Variants in PABPN1 observed in about 807,000 individuals in gnomAD.
The protein encoded by PABPN1 is poly(A) binding protein nuclear 1, also known as polyadenylate-binding protein 2.
Under a neutral mutation model 33.4 loss-of-function variants are expected in PABPN1, and 5 were observed. The ratio of observed to expected loss-of-function variants is 0.15; its 90% CI spans 0.08 to 0.32. PABPN1 has a LOEUF of 0.32. PABPN1 is among the 10% of genes least tolerant of loss of function. The pLI is 1.00. For synonymous variants in PABPN1, 176 were observed against 170.6 expected (o/e 1.03, Z -0.25); for missense variants, 312 against 425.8 (o/e 0.73, Z 2.35).
chr14:23,325,487 C>T lies in PABPN1; in HGVS notation c.*201C>T, dbSNP rs1321454582. On this transcript the variant is annotated 3_prime_UTR_variant, in exon 7 of 7. Coordinates refer to ENST00000216727, the MANE Select transcript of PABPN1 (RefSeq NM_004643.4). ...ACCTGCTTTGGGGAGTAGGGGAAGGCCCAGGGAGTGGGGCAGGGGGCTGCT... is the reference window on the plus strand; with the variant it reads ...ACCTGCTTTGGGGAGTAGGGGAAGGTCCAGGGAGTGGGGCAGGGGGCTGCT... 24 of 676,226 alleles carry T rather than the reference C, an allele frequency of 3.5e-5. No homozygotes were observed. The highest frequency in any genetic ancestry group is 4.1e-4 in the Middle Eastern group (1 of 2,448). The allele number at this position is 676,226 out of a possible 1,614,324, so 41.9% of individuals were successfully genotyped here.
chr14:23,323,512 TTTAAA>T lies in PABPN1; in HGVS notation c.641+33_641+37del, dbSNP rs769580252. 32 of 1,581,050 alleles carry T rather than the reference TTTAAA, an allele frequency of 2.0e-5. 1 individual carries two copies. The South Asian group carries it at 3.3e-4, about 16-fold the overall frequency. Reference sequence around the variant, plus strand: ...AGTAAAGGGGAGTAAGTTGAGATAATTTAAATTACAGTGTACAAATAGATAAATTA... The same window carrying T: ...AGTAAAGGGGAGTAAGTTGAGATAATTTACAGTGTACAAATAGATAAATTA... On this transcript the variant is annotated intron_variant, in intron 4 of 6. Coordinates refer to ENST00000216727, the MANE Select transcript of PABPN1 (RefSeq NM_004643.4).
rs1888557379 is a variant in PABPN1, at chr14:23,324,235, C to G, written c.827C>G (p.Ser276Cys). 1.9e-6 allele frequency: 3 copies of G among 1,614,120 alleles called. No individual in the cohort carries two copies. Among genetic ancestry groups the G allele is most frequent in the Non-Finnish European group, 2.5e-6 (3 of 1,180,040 alleles). ...GCCCGGACCACCAACTACAACAGCT[C>G]CCGCTCTCGATTCTACAGTGGTTTT... ...YRARTTNYNS[S>C]RSRFYSGFNS... The change falls in exon 6 of 7, where the codon TCC becomes TGC. Residue 276 changes from serine (S) to cysteine (C), a missense_variant. This residue lies in a region of PABPN1 where 68 missense variants were observed against 71.1 expected (regional missense o/e 0.96). Coordinates refer to ENST00000216727, the MANE Select transcript of PABPN1 (RefSeq NM_004643.4).
intron 3 of PABPN1, 139 bp downstream of exon 3, chr14:23,323,205 G>A (rs1888457878): frequency 1.5e-6 from 2 of 1,325,510 alleles, no homozygotes; most frequent in Non-Finnish European, 2.1e-6. Context: ...AAAGGTAATG[G>A]AATGATCAGT....
At chr14:23,322,062 CGCATGGGGCGAGGGAAATGGCCGA>C (rs1222162729) in intron 1 of PABPN1, 95 bp from the exon 2 acceptor site, 6 of 1,098,452 alleles carry the variant, frequency 5.5e-6, no homozygotes, top group African/African-American at 1.6e-5. Flanking sequence ...TCACGACCCT[CGCATGGGGCGAGGGAAATGGCCGA>C]GCATGGCTGA....
intron 2 of PABPN1, chr14:23,322,578 C>T: frequency 2.0e-6 from 1 of 495,926 alleles, no homozygotes; most frequent in East Asian, 3.8e-5. Flanking sequence ...TGCGTGCTCG[C>T]ATTTGACCTT....
intron 4 of PABPN1, 111 bp from the exon 5 acceptor site, chr14:23,323,854 C>A: frequency 9.1e-7 from 1 of 1,103,990 alleles, no homozygotes; most frequent in Non-Finnish European, 1.3e-6. Context: ...AGAATTTTGA[C>A]AAATAAAAAA....
Position 23,321,668 on chromosome 14 carries a change from G to C in PABPN1, c.199G>C (p.Glu67Gln), listed in dbSNP as rs1394623996. 6.6e-7 allele frequency: 1 copy of C among 1,519,744 alleles called. No homozygotes were observed. Among genetic ancestry groups the C allele is most frequent in the Non-Finnish European group, 8.9e-7 (1 of 1,122,622 alleles). 94.1% of individuals were successfully genotyped at this position (1,519,744 alleles called of 1,614,324 possible). The change falls in exon 1 of 7, where the codon GAG (glutamate) becomes CAG (glutamine). Residue 67 changes from glutamate to glutamine, a missense_variant. Physicochemically the swap from Glu to Gln is conservative, Grantham distance 29 (BLOSUM62 2). Coordinates refer to ENST00000216727, the MANE Select transcript of PABPN1 (RefSeq NM_004643.4). The part of the protein sequence containing the change: ...PEELLLEPEP[E>Q]PEPEEEPPRP... Reference sequence around the variant, plus strand: ...GGAGCTGCTGCTGGAGCCCGAGCCGGAGCCCGAGCCCGAAGAGGAGCCGCC... The same window carrying C: ...GGAGCTGCTGCTGGAGCCCGAGCCGCAGCCCGAGCCCGAAGAGGAGCCGCC...
At chr14:23,323,554 G>C in intron 4 of PABPN1, 71 bp downstream of exon 4, 1 of 1,403,460 alleles carries the variant, frequency 7.1e-7, no homozygotes, top group South Asian at 1.2e-5. Context: ...GTTTTATATT[G>C]AGCAGTAAGT....
At chr14:23,322,117 C>T in intron 1 of PABPN1, 64 bp from the exon 2 acceptor site, 2 of 1,510,576 alleles carry the variant, frequency 1.3e-6, no homozygotes, top group South Asian at 2.4e-5. Context: ...TGGCCGAGAG[C>T]AGGGCACAGC....
chr14:23,322,163 C>A lies in PABPN1; in HGVS notation c.352-18C>A, dbSNP rs983276880. 2 of 1,592,436 alleles carry A rather than the reference C, an allele frequency of 1.3e-6. No individual in the cohort carries two copies. Among genetic ancestry groups the A allele is most frequent in the African/African-American group, 1.3e-5 (1 of 74,484 alleles). Reference sequence around the variant, plus strand: ...GTTCCTCTTAAGCTGTCCTCCATACCCTCCCCACTTATATTAGGAGCTGGA... The same window carrying A: ...GTTCCTCTTAAGCTGTCCTCCATACACTCCCCACTTATATTAGGAGCTGGA... On this transcript the variant is annotated intron_variant, in intron 1 of 6. Transcript: ENST00000216727.
At chr14:23,322,069 G>C (rs1330160011) in intron 1 of PABPN1, 112 bp from the exon 2 acceptor site, 2 of 1,143,818 alleles carry the variant, frequency 1.7e-6, no homozygotes, top group Admixed American at 2.0e-5. Flanking sequence ...CCTCGCATGG[G>C]GCGAGGGAAA....
chr14:23,323,314 G>C (rs1888469770), intron 3 of PABPN1, 63 bp from the exon 4 acceptor site: 1 of 1,544,086 alleles, frequency 6.5e-7, no homozygotes, highest in Admixed American at 1.7e-5. Flanking sequence ...CCAAAGGCTC[G>C]GGAGGGTTCC....
chr14:23,322,928 G>A (rs1164179647), intron 2 of PABPN1, 71 bp from the exon 3 acceptor site: 5 of 1,602,192 alleles, frequency 3.1e-6, no homozygotes, highest in African/African-American at 1.3e-5. Context: ...TGCTGGTGGT[G>A]GAAGTGCAAC....
rs753693406 is a variant in PABPN1, at chr14:23,324,095, C to T, written c.729+43C>T. The T allele has an allele frequency of 5.6e-6, 9 of 1,614,138 alleles. No individual in the cohort carries two copies. The Admixed American group carries it at 1.2e-4, about 21-fold the overall frequency. ...GCTGTTCTAGTTGTGTATAAACTCT[C>T]CAGGTTGCCTTTAAGGCTATCATTT... is the stretch of plus-strand genomic sequence containing the variant. On this transcript the variant is annotated intron_variant, in intron 5 of 6. Transcript: ENST00000216727.
intron 4 of PABPN1, 79 bp downstream of exon 4, chr14:23,323,562 A>T (rs1888495095): frequency 7.4e-7 from 1 of 1,353,258 alleles, no homozygotes; most frequent in African/African-American, 1.4e-5. Context: ...TTGAGCAGTA[A>T]GTTATTTGGT....
chr14:23,324,164 A>T lies in PABPN1; in HGVS notation c.756A>T (p.Pro252=), dbSNP rs572864840. The T allele has an allele frequency of 6.2e-7, 1 of 1,614,248 alleles. No individual in the cohort carries two copies. Among genetic ancestry groups the T allele is most frequent in the Non-Finnish European group, 8.5e-7 (1 of 1,180,034 alleles). Residue 252 remains proline (P), a synonymous_variant, in exon 6 of 7, where the codon CCA becomes CCT. Coordinates refer to ENST00000216727, the MANE Select transcript of PABPN1 (RefSeq NM_004643.4). ...TGATCCCAAAACGAACCAACAGACC[A>T]GGCATCAGCACAACAGACCGGGGTT... ...IKVIPKRTNR[P]GISTTDRGFP... is the part of the protein sequence containing the mutation.
chr14:23,321,465 C>A lies in PABPN1; in HGVS notation c.-5C>A. 8.7e-7 allele frequency: 1 copy of A among 1,150,786 alleles called. No homozygotes were observed. The highest frequency in any genetic ancestry group is 1.1e-6 in the Non-Finnish European group (1 of 937,862). 71.3% of individuals were successfully genotyped at this position (1,150,786 alleles called of 1,614,324 possible). A position where few individuals can be genotyped will look rare whatever the true frequency, so the allele number is the denominator to read the frequency against. On this transcript the variant is annotated 5_prime_UTR_variant, in exon 1 of 7. Transcript: ENST00000216727. ...GCCGGGCGGCGGGCCCCAGTCTGAG[C>A]GGCGATGGCGGCGGCGGCGGCGGCG...
Position 23,325,418 on chromosome 14 carries a change from A to G in PABPN1, c.*132A>G. On this transcript the variant is annotated 3_prime_UTR_variant, in exon 7 of 7. Transcript: ENST00000216727. The stretch of plus-strand genomic sequence containing the variant: ...AAAATATTTTTTAAAAAAAAGATAT[A>G]CTGTGGAAGGGGGGAGAATCCCATA... 1 of 1,207,620 alleles carries G rather than the reference A, an allele frequency of 8.3e-7. No homozygotes were observed. Among genetic ancestry groups the G allele is most frequent in the Non-Finnish European group, 1.1e-6 (1 of 883,270 alleles). 74.8% of individuals were successfully genotyped at this position (1,207,620 alleles called of 1,614,324 possible). A position where few individuals can be genotyped will look rare whatever the true frequency, so the allele number is the denominator to read the frequency against.
chr14:23,321,778 A>G lies in PABPN1; in HGVS notation c.309A>G (p.Gly103=). 1 of 1,530,366 alleles carries G rather than the reference A, an allele frequency of 6.5e-7. No individual in the cohort carries two copies. Among genetic ancestry groups the G allele is most frequent in the Non-Finnish European group, 8.8e-7 (1 of 1,138,702 alleles). 94.8% of individuals were successfully genotyped at this position (1,530,366 alleles called of 1,614,324 possible). Residue 103 remains glycine, a synonymous_variant, in exon 1 of 7, where the codon GGA becomes GGG. Coordinates refer to ENST00000216727, the MANE Select transcript of PABPN1 (RefSeq NM_004643.4). ...GCCAAGAGGAGGAGGAGGAGCCGGG[A>G]CTGGTCGAGGGTGACCCGGGGGACG... The part of the protein sequence containing the change: ...PGSQEEEEEP[G]LVEGDPGDGA...
Sources: allele counts gnomAD v4.1 joint callset, GRCh38; gene constraint gnomAD v4.1.1; regional missense constraint gnomAD v4.1.1; transcripts MANE v1.5; gene names NCBI Gene and HGNC (gene_info 2026-07-23, HGNC 2026-07-21).